Variants in CHSY3 observed in about 807,000 individuals in gnomAD.
CHSY3 encodes the protein N-acetylgalactosaminyl-proteoglycan 3-beta-glucuronosyltransferase 3.
A neutral mutation model predicts 67.2 loss-of-function variants in CHSY3; 35 were observed. The ratio of observed to expected loss-of-function variants is 0.52; its 90% CI spans 0.40 to 0.69. The LOEUF (loss-of-function observed/expected upper bound fraction) is 0.69. Among genes scored for constraint, CHSY3 ranks in the 30% least tolerant of loss-of-function variants. The pLI is 0.00. For missense variants in CHSY3, 1,069 were observed against 1,138.5 expected (o/e 0.94, Z 0.88); for synonymous variants, 474 against 434.7 (o/e 1.09, Z -1.12).
At position 130,051,514 on chromosome 5, in the gene CHSY3, A is replaced by C. The variant is rs911539837; in HGVS notation, c.1087-132715A>C. On this transcript the variant is annotated intron_variant, in intron 2 of 2. Transcript: ENST00000305031. ...CGCTAGGGAAGAAAACTCATACCAC[A>C]TGGTATATATGTAATAGAACCCCAA... 1.1e-4 allele frequency among the ~76,000 whole-genome samples: 16 copies of C among 152,198 alleles called. No homozygotes were observed. In the South Asian group the frequency reaches 2.7e-3, roughly 26 times the overall value.
At chr5:130,176,932 T>C (rs910032890) in intron 2 of CHSY3, among the ~76,000 whole-genome samples, 2 of 152,120 alleles carry the variant, frequency 1.3e-5, no homozygotes, top group Admixed American at 6.5e-5. Flanking sequence ...ATGGCACGTG[T>C]ATACCTATGT....
intron 2 of CHSY3, among the ~76,000 whole-genome samples, chr5:130,001,132 G>C (rs921782971): frequency 2.0e-5 from 3 of 151,820 alleles, no homozygotes; most frequent in Admixed American, 6.6e-5. Flanking sequence ...TGCCCGCCTC[G>C]ACCTCCCAAA....
chr5:129,947,937 C>G (rs902312416), intron 2 of CHSY3, among the ~76,000 whole-genome samples: 2 of 152,054 alleles, frequency 1.3e-5, no homozygotes, highest in South Asian at 4.2e-4. Flanking sequence ...TGTTCTTTGC[C>G]CATTTCAAAA....
At chr5:129,993,854 G>T (rs577335472) in intron 2 of CHSY3, among the ~76,000 whole-genome samples, 3 of 150,024 alleles carry the variant, frequency 2.0e-5, no homozygotes, top group Admixed American at 7.4e-5. Flanking sequence ...GGTACTGGTT[G>T]TTCCTTTCCA....
In CHSY3 at chr5:130,090,507, C is replaced by T. The variant is rs13164784; in HGVS notation, c.1087-93722C>T. On this transcript the variant is annotated intron_variant, in intron 2 of 2. Transcript: ENST00000305031. ...GCTGGTGCCCTTTTTCAAGGATATGCGTCTGGTGTTTCACCTCTCACCACT... is the reference window on the plus strand; with the variant it reads ...GCTGGTGCCCTTTTTCAAGGATATGTGTCTGGTGTTTCACCTCTCACCACT... 5.3e-5 allele frequency among the ~76,000 whole-genome samples: 8 copies of T among 152,232 alleles called. No individual in the cohort carries two copies. The East Asian group carries it at 1.5e-3, about 29-fold the overall frequency.
chr5:129,992,311 C>G (rs1202098748), intron 2 of CHSY3, among the ~76,000 whole-genome samples: 2 of 152,114 alleles, frequency 1.3e-5, no homozygotes, highest in Non-Finnish European at 2.9e-5. Flanking sequence ...AAATGATTAC[C>G]TTGATTAAGC....
In CHSY3 at chr5:129,904,681, G is replaced by A. The variant is rs958636600; in HGVS notation, c.-149G>A. On this transcript the variant is annotated 5_prime_UTR_variant, in exon 1 of 3. Transcript: ENST00000305031. ...CCGCGGCAGTCGAGGCGTCCGCGGC[G>A]CTTCGACCTCCAGCCGGTGTCGGCG... The A allele has an allele frequency of 2.5e-6, 3 of 1,179,400 alleles. No homozygotes were observed. Among genetic ancestry groups the A allele is most frequent in the Non-Finnish European group, 3.2e-6 (3 of 946,146 alleles). The allele number at this position is 1,179,400 out of a possible 1,614,324, so 73.1% of individuals were successfully genotyped here. A position where few individuals can be genotyped will look rare whatever the true frequency, so the allele number is the denominator to read the frequency against.
chr5:130,095,475 T>G (rs1767014513), intron 2 of CHSY3, among the ~76,000 whole-genome samples: 1 of 152,168 alleles, frequency 6.6e-6, no homozygotes, highest in Admixed American at 6.6e-5. Flanking sequence ...ATAAAAAGAT[T>G]ATAATAGTGG....
chr5:129,946,432 A>G (rs991131031), intron 2 of CHSY3, among the ~76,000 whole-genome samples: 18 of 152,158 alleles, frequency 1.2e-4, no homozygotes, highest in Non-Finnish European at 1.8e-4. Flanking sequence ...CACAATCATA[A>G]ATTTAAGCGA....
intron 2 of CHSY3, among the ~76,000 whole-genome samples, chr5:129,908,679 A>G (rs1488162706): frequency 6.6e-6 from 1 of 151,878 alleles, no homozygotes; most frequent in East Asian, 1.9e-4. Context: ...TTTTCTAACA[A>G]GAGGTTTAAT....
At chr5:130,075,537 G>A (rs1766222246) in intron 2 of CHSY3, among the ~76,000 whole-genome samples, 1 of 151,966 alleles carries the variant, frequency 6.6e-6, no homozygotes. Context: ...TCAAGTGGCT[G>A]TTACACACAT....
intron 2 of CHSY3, among the ~76,000 whole-genome samples, chr5:129,971,599 G>A (rs1317952245): frequency 2.0e-5 from 3 of 152,006 alleles, no homozygotes; most frequent in African/African-American, 4.8e-5. Flanking sequence ...AGAAAATTGT[G>A]ACTTAGGAAA....
At chr5:130,129,045 A>G (rs1488467238) in intron 2 of CHSY3, among the ~76,000 whole-genome samples, 2 of 152,078 alleles carry the variant, frequency 1.3e-5, no homozygotes, top group African/African-American at 4.8e-5. Flanking sequence ...TATCTGCTCA[A>G]TTCTAGTGAT....
At chr5:130,116,048 G>T (rs975101755) in intron 2 of CHSY3, among the ~76,000 whole-genome samples, 1 of 152,130 alleles carries the variant, frequency 6.6e-6, no homozygotes, top group African/African-American at 2.4e-5. Context: ...ATCCCAAAGT[G>T]ACCAACCTAA....
chr5:130,017,459 T>A (rs1377367579), intron 2 of CHSY3, among the ~76,000 whole-genome samples: 2 of 152,010 alleles, frequency 1.3e-5, no homozygotes, highest in Non-Finnish European at 2.9e-5. Flanking sequence ...GATGGAGGGG[T>A]CTGGGGTAGG....
At chr5:130,075,970 G>T (rs1455744587) in intron 2 of CHSY3, among the ~76,000 whole-genome samples, 1 of 152,062 alleles carries the variant, frequency 6.6e-6, no homozygotes, top group Non-Finnish European at 1.5e-5. Flanking sequence ...TAAAATCTCG[G>T]TTATCTTTGA....
At chr5:130,008,594 TC>T (rs1484910023) in intron 2 of CHSY3, among the ~76,000 whole-genome samples, 2 of 151,970 alleles carry the variant, frequency 1.3e-5, no homozygotes, top group Non-Finnish European at 2.9e-5. Flanking sequence ...ACCCACTAGC[TC>T]CCCAGCAATG....
chr5:130,117,444 A>T, intron 2 of CHSY3, among the ~76,000 whole-genome samples: 1 of 152,152 alleles, frequency 6.6e-6, no homozygotes, highest in East Asian at 1.9e-4. Flanking sequence ...AATAAAAACC[A>T]GTCTTCTGAT....
intron 2 of CHSY3, among the ~76,000 whole-genome samples, chr5:130,143,756 A>ATATATATATATATATATATATG (rs1433405052): frequency 7.8e-5 from 8 of 101,918 alleles, no homozygotes; most frequent in African/African-American, 3.8e-4. Context: ...ATATATATAT[A>ATATATATATATATATATATATG]TGTGTGTGTG....
Sources: allele counts gnomAD v4.1 joint callset (sites outside exome capture counted in the v4.1 genomes callset), GRCh38; gene constraint gnomAD v4.1.1; transcripts MANE v1.5; gene names NCBI Gene and HGNC (gene_info 2026-07-23, HGNC 2026-07-21).